The following CLEC16A variants were observed in gnomAD, a reference collection of about 807,000 sequenced individuals.
The protein encoded by CLEC16A is C-type lectin domain containing 16A.
A neutral mutation model predicts 109.5 loss-of-function variants in CLEC16A; 51 were observed. The observed-to-expected ratio is 0.47, with a 90% confidence interval of 0.37 to 0.59. CLEC16A has a LOEUF of 0.59. Ranked by LOEUF, CLEC16A falls within the 20% of genes least tolerant of loss-of-function variation. The probability of loss-of-function intolerance (pLI) is 0.00; values close to 1 mark genes in which losing one functional copy is unlikely to be tolerated. For missense variants in CLEC16A, 1,339 were observed against 1,394.0 expected (o/e 0.96, Z 0.63); for synonymous variants, 673 against 564.2 (o/e 1.19, Z -2.73).
Position 11,166,423 on chromosome 16 carries a change from T to A in CLEC16A, c.2677T>A (p.Ser893Thr), listed in dbSNP as rs991774232. 5 of 1,605,856 alleles carry A rather than the reference T, an allele frequency of 3.1e-6. No individual in the cohort carries two copies. In the South Asian group the frequency reaches 5.5e-5, roughly 18 times the overall value. The change falls in exon 23 of 24, where the codon TCC (serine) becomes ACC (threonine). Residue 893 changes from serine to threonine, a missense_variant. Physicochemically the swap from Ser to Thr is moderately conservative, Grantham distance 58. Coordinates refer to ENST00000409790, the MANE Select transcript of CLEC16A (RefSeq NM_015226.3). Reference protein sequence around the residue: ...AVAQCINQHSSPSLSSQSPPS... With the variant: ...AVAQCINQHSTPSLSSQSPPS... ...GGCCCAGTGCATAAACCAGCACAGCTCCCCGTCCCTGTCCTCACAGTCGCC... is the reference window on the plus strand; with the variant it reads ...GGCCCAGTGCATAAACCAGCACAGCACCCCGTCCCTGTCCTCACAGTCGCC...
intron 11 of CLEC16A, among the ~76,000 whole-genome samples, chr16:11,005,015 G>C (rs987221226): frequency 6.6e-6 from 1 of 152,194 alleles, no homozygotes; most frequent in Admixed American, 6.5e-5. Context: ...TAGTTGTTCT[G>C]TTGCCACACT....
At chr16:11,061,173 G>A (rs1023140888) in intron 19 of CLEC16A, among the ~76,000 whole-genome samples, 151 bp downstream of exon 19, 1 of 152,146 alleles carries the variant, frequency 6.6e-6, no homozygotes, top group African/African-American at 2.4e-5. Flanking sequence ...CGGTGTGCAT[G>A]TCCCATGCAG....
chr16:10,995,753 G>A (rs2044289342), intron 10 of CLEC16A, among the ~76,000 whole-genome samples: 2 of 152,262 alleles, frequency 1.3e-5, no homozygotes, highest in Middle Eastern at 3.4e-3. Context: ...CTAGTAGAAT[G>A]TGGGTCTCAG....
intron 10 of CLEC16A, among the ~76,000 whole-genome samples, chr16:10,985,214 A>AT (rs1202404600): frequency 8.9e-6 from 1 of 112,410 alleles, no homozygotes; most frequent in African/African-American, 4.0e-5. Flanking sequence ...AAAAAAAAAA[A>AT]AAAAAAATAT....
intron 19 of CLEC16A, among the ~76,000 whole-genome samples, chr16:11,077,616 G>C (rs771384548): frequency 6.6e-5 from 10 of 152,020 alleles, no homozygotes; most frequent in Non-Finnish European, 1.3e-4. Context: ...CTGTGATCGA[G>C]CCACTGCACT....
chr16:11,016,478 AG>A (rs2045760647), intron 11 of CLEC16A, among the ~76,000 whole-genome samples: 1 of 151,104 alleles, frequency 6.6e-6, no homozygotes, highest in Non-Finnish European at 1.5e-5. Flanking sequence ...CCTCCCCAGT[AG>A]TTGGGATTAC....
chr16:11,116,026 T>C (rs1173285355), intron 19 of CLEC16A, among the ~76,000 whole-genome samples: 1 of 152,032 alleles, frequency 6.6e-6, no homozygotes, highest in Non-Finnish European at 1.5e-5. Flanking sequence ...ATATGTTTTT[T>C]AAAAAATATT....
chr16:11,178,703 G>C lies in CLEC16A; in HGVS notation c.*13G>C, dbSNP rs774464003. The C allele has an allele frequency of 4.1e-6, 6 of 1,459,232 alleles. No individual in the cohort carries two copies. In the South Asian group the frequency reaches 6.9e-5, roughly 17 times the overall value. The allele number at this position is 1,459,232 out of a possible 1,614,324, so 90.4% of individuals were successfully genotyped here. A position where few individuals can be genotyped will look rare whatever the true frequency, so the allele number is the denominator to read the frequency against. The stretch of plus-strand genomic sequence containing the variant: ...CGCTGAGGACTGAGTCAGTGCCGGG[G>C]CCTCCCTTTGTGTGTGTGGCCCCGC... On this transcript the variant is annotated 3_prime_UTR_variant, in exon 24 of 24. Coordinates refer to ENST00000409790, the MANE Select transcript of CLEC16A (RefSeq NM_015226.3). This position sits in a 1 kb window ranked among gnomAD's most constrained non-coding sequence, Gnocchi z 6.5.
At position 11,051,639 on chromosome 16, in the gene CLEC16A, C is replaced by T. The variant is rs74163622; in HGVS notation, c.1993C>T (p.Arg665Trp). 355 of 1,613,630 alleles carry T rather than the reference C, an allele frequency of 2.2e-4. 1 individual carries two copies. Among genetic ancestry groups the T allele is most frequent in the Non-Finnish European group, 2.8e-4 (335 of 1,179,710 alleles). ...GTGTGGCGATGTGGAGAAGACCCGGCGGGTGAGTGAGCACAGGACCTGTCA... is the reference window on the plus strand; with the variant it reads ...GTGTGGCGATGTGGAGAAGACCCGGTGGGTGAGTGAGCACAGGACCTGTCA... Reference protein sequence around the residue: ...LPCGDVEKTRRAIRVFFMLRS... With the variant: ...LPCGDVEKTRWAIRVFFMLRS... The change falls in exon 18 of 24, where the codon CGG becomes TGG. Residue 665 changes from arginine (R) to tryptophan (W), a missense_variant and splice_region_variant. Around this residue, in one of 3 missense-constraint regions of CLEC16A, gnomAD observed 1,061 missense variants for 1,006.8 expected, o/e 1.05. Transcript: ENST00000409790.
rs538819999 is a variant in CLEC16A at position 11,112,367 on chromosome 16, A to G, written c.2117-8248A>G. Among the ~76,000 whole-genome samples the G allele has an allele frequency of 5.9e-5, 9 of 152,282 alleles. No individual in the cohort carries two copies. In the East Asian group the frequency reaches 9.6e-4, roughly 16 times the overall value. ...GTTGATAAGTTTAATATTTTCAAAT[A>G]AAATAGAATGGGTCAGGTGTGGTGG... On this transcript the variant is annotated intron_variant, in intron 19 of 23. Coordinates refer to ENST00000409790, the MANE Select transcript of CLEC16A (RefSeq NM_015226.3).
chr16:11,170,719 C>G (rs1227909511), intron 23 of CLEC16A, among the ~76,000 whole-genome samples: 1 of 152,166 alleles, frequency 6.6e-6, no homozygotes, highest in East Asian at 1.9e-4. Context: ...TCCAAGCAAG[C>G]AGGATTAGGA....
chr16:11,006,152 C>T (rs892621041), intron 11 of CLEC16A, among the ~76,000 whole-genome samples: 6 of 152,236 alleles, frequency 3.9e-5, no homozygotes, highest in African/African-American at 1.4e-4. Flanking sequence ...CTTCTCCTTC[C>T]CAGTGGCTGC....
In CLEC16A at chr16:11,156,786, G is replaced by T. The variant is rs566669887; in HGVS notation, c.2642-9602G>T. On this transcript the variant is annotated intron_variant, in intron 22 of 23. Transcript: ENST00000409790. ...TTCAGTTCTAGAAATCCAAAGCAAG[G>T]TTGCACCACTGCGAGAGATTCCAAG... The T allele has an allele frequency of 3.0e-4, 207 of 682,830 alleles. No homozygotes were observed. The African/African-American group carries it at 3.5e-3, about 11-fold the overall frequency. 42.3% of individuals were successfully genotyped at this position (682,830 alleles called of 1,614,324 possible).
At chr16:11,012,338 G>A (rs1458276723) in intron 11 of CLEC16A, among the ~76,000 whole-genome samples, 1 of 152,222 alleles carries the variant, frequency 6.6e-6, no homozygotes. Flanking sequence ...GCTTACGCCT[G>A]TAATCCCAGC....
At chr16:11,042,192 A>G in intron 14 of CLEC16A, 62 bp from the exon 15 acceptor site, 1 of 1,243,350 alleles carries the variant, frequency 8.0e-7, no homozygotes. Context: ...GATAGGCAGC[A>G]GTCTTGGGTT....
intron 19 of CLEC16A, among the ~76,000 whole-genome samples, chr16:11,117,983 CT>C (rs144980433): frequency 1.3e-5 from 2 of 150,902 alleles, no homozygotes; most frequent in Admixed American, 6.6e-5. Flanking sequence ...CTTTTCTTTT[CT>C]TTTTTTTTAG....
chr16:11,148,258 C>T (rs1043384673), intron 22 of CLEC16A, among the ~76,000 whole-genome samples: 2 of 152,138 alleles, frequency 1.3e-5, no homozygotes, highest in Admixed American at 6.5e-5. Context: ...GATGGTATGC[C>T]GGCAACCACG....
chr16:11,125,904 T>TGGGGGGGGGGGGGGGGGGGGGGGG, intron 21 of CLEC16A, 75 bp from the exon 22 acceptor site: 1 of 182,596 alleles, frequency 5.5e-6, no homozygotes, highest in Non-Finnish European at 1.1e-5. Flanking sequence ...CACTACGATG[T>TGGGGGGGGGGGGGGGGGGGGGGGG]CCCCCCCCCC....
chr16:11,106,888 A>C (rs532142583), intron 19 of CLEC16A, among the ~76,000 whole-genome samples: 8 of 151,944 alleles, frequency 5.3e-5, no homozygotes, highest in African/African-American at 1.9e-4. Flanking sequence ...TTACCACTCA[A>C]CTCCAGGCAC....
Sources: gnomAD v4.1 joint callset for allele counts (sites outside exome capture counted in the v4.1 genomes callset) on GRCh38, gnomAD v4.1.1 for gene constraint, gnomAD v4.1.1 regional missense constraint, Gnocchi (gnomAD v3.1) non-coding constraint, MANE v1.5 for transcripts, NCBI Gene and HGNC (gene_info 2026-07-23, HGNC 2026-07-21) for gene names.